LAMA1: variants seen among roughly 807,000 people sequenced by gnomAD.
LAMA1 encodes laminin subunit alpha 1, also known as laminin subunit alpha-1.
In LAMA1, 219 loss-of-function variants were observed where a neutral mutation model predicts 348.7. That is an observed-to-expected ratio of 0.63 (90% CI 0.56 to 0.70). The LOEUF (loss-of-function observed/expected upper bound fraction) is 0.70. Ranked by LOEUF, LAMA1 falls within the 30% of genes least tolerant of loss-of-function variation. LAMA1 has a pLI of 0.00. For missense variants in LAMA1, 3,744 were observed against 3,888.0 expected (o/e 0.96, Z 0.99); for synonymous variants, 1,487 against 1,491.0 (o/e 1.00, Z 0.06).
chr18:7,069,363 C>T (rs753604091), intron 3 of LAMA1, among the ~76,000 whole-genome samples: 3 of 152,128 alleles, frequency 2.0e-5, no homozygotes, highest in East Asian at 1.9e-4. Flanking sequence ...GACAGGGGTG[C>T]GGCCCCTACA....
chr18:6,948,954 G>A, intron 59 of LAMA1, 147 bp downstream of exon 59: 1 of 1,043,554 alleles, frequency 9.6e-7, no homozygotes, highest in South Asian at 1.5e-5. Context: ...CACACGATCT[G>A]TGGACATGCC....
Position 6,942,087 on chromosome 18 carries a change from C to G in LAMA1, c.9220G>C (p.Glu3074Gln). Residue 3074 changes from glutamate (E) to glutamine (Q), a missense_variant, in exon 63 of 63, where the codon GAG (glutamate) becomes CAG (glutamine). Glu to Gln is a conservative substitution (Grantham distance 29). Transcript: ENST00000389658. ...GVFLHSCPGT[E>Q]S ...AGGATTCTGCTTGAAGTTCAGGACT[C>G]GGTCCCAGGACAGGAATGAAGGAAA... 6.2e-7 allele frequency: 1 copy of G among 1,614,126 alleles called. No individual in the cohort carries two copies. The highest frequency in any genetic ancestry group is 8.5e-7 in the Non-Finnish European group (1 of 1,180,018).
chr18:7,104,150 T>C (rs1041387692), intron 1 of LAMA1, among the ~76,000 whole-genome samples: 3 of 152,050 alleles, frequency 2.0e-5, no homozygotes, highest in African/African-American at 7.2e-5. Context: ...GGCTGATTTT[T>C]GTAATTTTAG....
intron 3 of LAMA1, among the ~76,000 whole-genome samples, chr18:7,051,335 C>T (rs2058061775): frequency 6.6e-6 from 1 of 152,094 alleles, no homozygotes; most frequent in Non-Finnish European, 1.5e-5. Flanking sequence ...TCAAGTTGTA[C>T]ACCTTAAATA....
At position 7,014,067 on chromosome 18, in the gene LAMA1, A is replaced by T. The variant is rs752637626; in HGVS notation, c.3127-16T>A. Reference sequence around the variant, plus strand: ...AATTGCAGGCCTGAGAGAAGGGAAAACCAACTCAATTAAAAAGGCAGATTT... The same window carrying T: ...AATTGCAGGCCTGAGAGAAGGGAAATCCAACTCAATTAAAAAGGCAGATTT... On this transcript the variant is annotated splice_polypyrimidine_tract_variant and intron_variant, in intron 22 of 62. Coordinates refer to ENST00000389658, the MANE Select transcript of LAMA1 (RefSeq NM_005559.4). 225 of 1,600,110 alleles carry T rather than the reference A, an allele frequency of 1.4e-4. 1 individual carries two copies. Among genetic ancestry groups the T allele is most frequent in the Non-Finnish European group, 1.8e-4 (209 of 1,167,796 alleles).
At chr18:6,977,605 G>A (rs1459863312) in intron 44 of LAMA1, 122 bp downstream of exon 44, 4 of 1,084,060 alleles carry the variant, frequency 3.7e-6, no homozygotes, top group Non-Finnish European at 5.3e-6. Flanking sequence ...CAGATTATTG[G>A]GATCTGGGTC....
At chr18:6,982,017 T>C (rs1309845368) in intron 41 of LAMA1, among the ~76,000 whole-genome samples, 2 of 152,230 alleles carry the variant, frequency 1.3e-5, no homozygotes, top group African/African-American at 4.8e-5. Flanking sequence ...AGGTATTTTT[T>C]GAAAAATGGC....
At chr18:7,050,614 TGA>T (rs908450277) in intron 4 of LAMA1, 78 bp downstream of exon 4, 2 of 1,596,110 alleles carry the variant, frequency 1.3e-6, no homozygotes, top group African/African-American at 2.7e-5. Context: ...ATCTTTGTAT[TGA>T]GAGAGATCAA....
chr18:6,957,021 A>AC, intron 55 of LAMA1: 1 of 462,130 alleles, frequency 2.2e-6, no homozygotes, highest in Non-Finnish European at 4.0e-6. Context: ...ATTCCTGAGC[A>AC]CCCCCCAGGT....
chr18:7,106,983 G>T (rs547305671), intron 1 of LAMA1, among the ~76,000 whole-genome samples: 35 of 151,830 alleles, frequency 2.3e-4, no homozygotes, highest in African/African-American at 8.5e-4. Context: ...CTCCTCCCCC[G>T]CTTTCCTCGA....
intron 3 of LAMA1, among the ~76,000 whole-genome samples, chr18:7,072,869 A>C (rs1257413639): frequency 6.6e-6 from 1 of 152,102 alleles, no homozygotes; most frequent in Non-Finnish European, 1.5e-5. Flanking sequence ...GGGAGGCTGG[A>C]GGGCTGGAGG....
chr18:6,971,905 A>G lies in LAMA1; in HGVS notation c.6851T>C (p.Leu2284Pro). 1 of 1,614,136 alleles carries G rather than the reference A, an allele frequency of 6.2e-7. No homozygotes were observed. Among genetic ancestry groups the G allele is most frequent in the Non-Finnish European group, 8.5e-7 (1 of 1,180,006 alleles). ...EAFLNGKSIG[L>P]WNYIEREGKC... The stretch of plus-strand genomic sequence containing the variant: ...GCCTTCCCTTTCAATATAGTTCCAT[A>G]GGCCTATGGATTTTCCATTCAGGAA... The change falls in exon 48 of 63, where the codon CTA (leucine) becomes CCA (proline). Residue 2284 changes from leucine to proline, a missense_variant. Leu to Pro is a moderately conservative substitution (Grantham distance 98). Coordinates refer to ENST00000389658, the MANE Select transcript of LAMA1 (RefSeq NM_005559.4).
At chr18:7,007,568 C>T (rs2057838366) in intron 28 of LAMA1, among the ~76,000 whole-genome samples, 2 of 151,698 alleles carry the variant, frequency 1.3e-5, no homozygotes, top group South Asian at 4.2e-4. Flanking sequence ...AGTAGCTATA[C>T]CATTTCCATC....
At chr18:7,041,412 C>T (rs2058020010) in intron 9 of LAMA1, among the ~76,000 whole-genome samples, 1 of 152,246 alleles carries the variant, frequency 6.6e-6, no homozygotes, top group Non-Finnish European at 1.5e-5. Context: ...CATCCCCTCA[C>T]CAGGTGCACG....
At chr18:6,991,360 T>G (rs1392171549) in intron 36 of LAMA1, among the ~76,000 whole-genome samples, 1 of 151,720 alleles carries the variant, frequency 6.6e-6, no homozygotes, top group East Asian at 1.9e-4. Flanking sequence ...AAACACAAAT[T>G]CTTTGACTAA....
At chr18:7,050,209 CTCA>C (rs2058057062) in intron 4 of LAMA1, among the ~76,000 whole-genome samples, 1 of 152,166 alleles carries the variant, frequency 6.6e-6, no homozygotes, top group African/African-American at 2.4e-5. Context: ...GTAGTTTCAT[CTCA>C]TCAAGCCAGG....
Position 6,995,348 on chromosome 18 carries a change from A to G in LAMA1, c.4896+9T>C. ...GGAGGAAGGTTGGTTGGTTATGGAA[A>G]GAATTTACCTTCTTTTGCAGGTTGT... is the stretch of plus-strand genomic sequence containing the variant. On this transcript the variant is annotated intron_variant, in intron 34 of 62. Coordinates refer to ENST00000389658, the MANE Select transcript of LAMA1 (RefSeq NM_005559.4). The G allele has an allele frequency of 6.2e-7, 1 of 1,605,668 alleles. No individual in the cohort carries two copies. Among genetic ancestry groups the G allele is most frequent in the Non-Finnish European group, 8.5e-7 (1 of 1,172,252 alleles).
intron 18 of LAMA1, among the ~76,000 whole-genome samples, chr18:7,023,899 C>T (rs1023594000): frequency 1.3e-5 from 2 of 152,112 alleles, no homozygotes; most frequent in Non-Finnish European, 2.9e-5. Context: ...AGTGCAATGG[C>T]GCAATCTCCA....
rs2057596658 is a variant in LAMA1, at chr18:6,959,392, C to G, written c.7727G>C (p.Gly2576Ala). The change falls in exon 54 of 63, where the codon GGT becomes GCT. Residue 2576 changes from glycine (G) to alanine (A), a missense_variant. Transcript: ENST00000389658. ...LRKALLHAPT[G>A]TCSDGQAHSI... ...ATGCGCTTGTCCATCACTGCAGGTACCCGTGGGAGCGTGCAGGAGAGCTTT... is the reference window on the plus strand; with the variant it reads ...ATGCGCTTGTCCATCACTGCAGGTAGCCGTGGGAGCGTGCAGGAGAGCTTT... The G allele has an allele frequency of 6.2e-7, 1 of 1,614,068 alleles. No individual in the cohort carries two copies. Among genetic ancestry groups the G allele is most frequent in the East Asian group, 2.2e-5 (1 of 44,892 alleles).
Sources: gnomAD v4.1 joint callset for allele counts (sites outside exome capture counted in the v4.1 genomes callset) on GRCh38, gnomAD v4.1.1 for gene constraint, MANE v1.5 for transcripts, NCBI Gene and HGNC (gene_info 2026-07-23, HGNC 2026-07-21) for gene names.